Variants in MTAP observed in about 807,000 individuals in gnomAD.
The protein encoded by MTAP is methylthioadenosine phosphorylase, also known as S-methyl-5'-thioadenosine phosphorylase.
In MTAP, 33 loss-of-function variants were observed where a neutral mutation model predicts 33.6. The observed-to-expected ratio is 0.98, with a 90% CI of 0.74 to 1.31. The LOEUF (loss-of-function observed/expected upper bound fraction) is 1.31, where lower values mean the gene tolerates loss of function less well. Among genes scored for constraint, MTAP ranks in the 40% most tolerant of loss-of-function variants. MTAP has a pLI of 0.00. For synonymous variants in MTAP, 148 were observed against 125.7 expected (o/e 1.18, Z -1.19); for missense variants, 367 against 360.0 (o/e 1.02, Z -0.16).
At chr9:21,839,270 T>A (rs1825186604) in intron 5 of MTAP, among the ~76,000 whole-genome samples, 1 of 152,098 alleles carries the variant, frequency 6.6e-6, no homozygotes, top group Non-Finnish European at 1.5e-5. Context: ...AGAATGCTGC[T>A]AGTCTTCCTC....
intron 1 of MTAP, among the ~76,000 whole-genome samples, chr9:21,906,239 A>G (rs1818474692): frequency 6.6e-6 from 1 of 152,238 alleles, no homozygotes; most frequent in South Asian, 2.1e-4. Flanking sequence ...CCAAATAAGG[A>G]TAAGATGTCA....
intron 5 of MTAP, among the ~76,000 whole-genome samples, chr9:21,853,574 G>C (rs934438982): frequency 6.6e-6 from 1 of 152,182 alleles, no homozygotes; most frequent in Non-Finnish European, 1.5e-5. Context: ...ACTTTGCCCA[G>C]ATTGGAGACT....
chr9:21,910,066 A>T (rs1384989295), intron 1 of MTAP, among the ~76,000 whole-genome samples: 1 of 152,198 alleles, frequency 6.6e-6, no homozygotes, highest in Non-Finnish European at 1.5e-5. Flanking sequence ...TCAACTTTTA[A>T]GTATTCAAAA....
At position 21,802,679 on chromosome 9, in the gene MTAP, C is replaced by G. The variant is rs953289977; in HGVS notation, c.-70C>G. The stretch of plus-strand genomic sequence containing the variant: ...CGCGCAGTGAGGTTGGCACAGCCAC[C>G]GCTCTGTGGCTCGCTTGGTTCCCTT... On this transcript the variant is annotated 5_prime_UTR_variant, in exon 1 of 8. Coordinates refer to ENST00000644715, the MANE Select transcript of MTAP (RefSeq NM_002451.4). 1.3e-6 allele frequency: 2 copies of G among 1,574,710 alleles called. No individual in the cohort carries two copies.
chr9:21,833,760 G>A (rs978935683), intron 4 of MTAP, among the ~76,000 whole-genome samples: 1 of 152,132 alleles, frequency 6.6e-6, no homozygotes, highest in Non-Finnish European at 1.5e-5. Flanking sequence ...TTCTGCCAGG[G>A]GATGGGTGTT....
chr9:21,816,695 A>AT lies in MTAP; in HGVS notation c.121-13dup. The AT allele has an allele frequency of 6.2e-7, 1 of 1,605,696 alleles. No homozygotes were observed. Among genetic ancestry groups the AT allele is most frequent in the Non-Finnish European group, 8.5e-7 (1 of 1,176,626 alleles). On this transcript the variant is annotated intron_variant, in intron 2 of 7. Coordinates refer to ENST00000644715, the MANE Select transcript of MTAP (RefSeq NM_002451.4). ...TTTTTAAATCACTGAGTTAAATGTC[A>AT]TTTTTTCATTGCATGCAGCCATCTG...
intron 1 of MTAP, among the ~76,000 whole-genome samples, chr9:21,878,719 C>G (rs1449383467): frequency 6.6e-6 from 1 of 152,038 alleles, no homozygotes; most frequent in Non-Finnish European, 1.5e-5. Flanking sequence ...CCTGTTAATG[C>G]TGTTTTGTGT....
intron 5 of MTAP, among the ~76,000 whole-genome samples, chr9:21,849,360 A>G (rs1825457694): frequency 6.6e-6 from 1 of 152,178 alleles, no homozygotes; most frequent in Non-Finnish European, 1.5e-5. Flanking sequence ...AGGGAACCCA[A>G]ACTGTCATGT....
downstream of MTAP, among the ~76,000 whole-genome samples, chr9:21,870,143 T>C (rs1825915668): frequency 6.6e-6 from 1 of 152,236 alleles, no homozygotes; most frequent in Non-Finnish European, 1.5e-5. Context: ...CAAAATCACC[T>C]TAGTGGGTCA....
At chr9:21,904,355 G>A (rs1020880380) in intron 1 of MTAP, among the ~76,000 whole-genome samples, 1 of 152,106 alleles carries the variant, frequency 6.6e-6, no homozygotes, top group Admixed American at 6.5e-5. Flanking sequence ...GCCTGTCCTC[G>A]CCCAGGTCAT....
intron 1 of MTAP, chr9:21,809,009 A>G (rs1455878979): frequency 6.6e-6 from 1 of 152,206 alleles, no homozygotes; most frequent in Non-Finnish European, 1.5e-5. Flanking sequence ...CTGTGAGAAG[A>G]TAAGTTTCTC....
Position 21,911,173 on chromosome 9 carries a change from G to T in MTAP, c.148-19835G>T, listed in dbSNP as rs184001079. On this transcript the variant is annotated intron_variant, in intron 1 of 1. Transcript: ENST00000577563. ...ACAAAGAGACTTAGACTCCCACACA[G>T]TAATAATGGGAGACTTTAACACCCC... Among the ~76,000 whole-genome samples the T allele has an allele frequency of 4.2e-3, 637 of 152,164 alleles. 7 individuals carry two copies. Among genetic ancestry groups the T allele is most frequent in the African/African-American group, 0.015 (607 of 41,518 alleles).
chr9:21,885,386 A>G (rs1818092029), intron 1 of MTAP, among the ~76,000 whole-genome samples: 1 of 152,188 alleles, frequency 6.6e-6, no homozygotes, highest in African/African-American at 2.4e-5. Flanking sequence ...ACCATCCCCC[A>G]AGATTCTGAT....
intron 5 of MTAP, among the ~76,000 whole-genome samples, chr9:21,839,809 A>G (rs1292477141): frequency 6.6e-6 from 1 of 152,230 alleles, no homozygotes; most frequent in Admixed American, 6.5e-5. Flanking sequence ...ACCATATTCT[A>G]CCATTTATGT....
chr9:21,836,150 A>G (rs951414893), intron 4 of MTAP, among the ~76,000 whole-genome samples: 4 of 152,136 alleles, frequency 2.6e-5, no homozygotes, highest in African/African-American at 9.7e-5. Flanking sequence ...TCTTCCTAAC[A>G]TCCTTGTAAA....
At chr9:21,891,160 G>T (rs1215842078) in intron 1 of MTAP, among the ~76,000 whole-genome samples, 1 of 152,076 alleles carries the variant, frequency 6.6e-6, no homozygotes, top group Non-Finnish European at 1.5e-5. Flanking sequence ...TAAGTTCGAA[G>T]ATTCAAGAAA....
intron 1 of MTAP, among the ~76,000 whole-genome samples, chr9:21,897,280 A>G (rs970166395): frequency 6.6e-6 from 1 of 152,208 alleles, no homozygotes; most frequent in African/African-American, 2.4e-5. Flanking sequence ...TATCATACTG[A>G]ATGGGCAAAA....
chr9:21,927,286 G>A (rs1818884909), intron 1 of MTAP, among the ~76,000 whole-genome samples: 1 of 152,200 alleles, frequency 6.6e-6, no homozygotes. Flanking sequence ...AAAGGTAGTG[G>A]CTGCAGCAGC....
At chr9:21,904,328 C>T (rs1000103198) in intron 1 of MTAP, among the ~76,000 whole-genome samples, 2 of 152,124 alleles carry the variant, frequency 1.3e-5, no homozygotes, top group African/African-American at 2.4e-5. Flanking sequence ...GCAACATTTG[C>T]GCAGGAAAAC....
Sources: gnomAD v4.1 joint callset for allele counts (sites outside exome capture counted in the v4.1 genomes callset) on GRCh38, gnomAD v4.1.1 for gene constraint, MANE v1.5 for transcripts, NCBI Gene and HGNC (gene_info 2026-07-23, HGNC 2026-07-21) for gene names.